Variants in CDK17 observed in about 807,000 individuals in gnomAD.
The protein encoded by CDK17 is cyclin dependent kinase 17, also known as cyclin-dependent kinase 17.
A neutral mutation model predicts 77.6 loss-of-function variants in CDK17; 24 were observed. The ratio of observed to expected loss-of-function variants is 0.31; its 90% confidence interval spans 0.22 to 0.44. The LOEUF is 0.44. Ranked by LOEUF, CDK17 falls within the 20% of genes least tolerant of loss-of-function variation. CDK17 has a pLI of 1.00. For missense variants in CDK17, 429 were observed against 622.5 expected (o/e 0.69, Z 3.31); for synonymous variants, 203 against 210.4 (o/e 0.96, Z 0.30).
At chr12:96,287,336 T>C (rs1195124475) in intron 11 of CDK17, among the ~76,000 whole-genome samples, 1 of 152,160 alleles carries the variant, frequency 6.6e-6, no homozygotes, top group African/African-American at 2.4e-5. Context: ...TGGTGGTTCT[T>C]AGAACAGTCA....
intron 9 of CDK17, 179 bp from the exon 10 acceptor site, chr12:96,295,301 T>C (rs1952388117): frequency 2.4e-6 from 1 of 423,338 alleles, no homozygotes; most frequent in Non-Finnish European, 4.2e-6. Context: ...CTGAATTTAA[T>C]AGTTTATTAT....
intron 13 of CDK17, among the ~76,000 whole-genome samples, chr12:96,283,985 G>A (rs373057760): frequency 2.0e-5 from 3 of 152,122 alleles, no homozygotes; most frequent in East Asian, 1.9e-4. Context: ...TTCACTAAAC[G>A]CAAGTATATA....
intron 1 of CDK17, among the ~76,000 whole-genome samples, chr12:96,345,766 A>G (rs1000122384): frequency 7.2e-5 from 11 of 152,206 alleles, no homozygotes; most frequent in African/African-American, 2.4e-4. Flanking sequence ...AACCACTAAA[A>G]AACTAACTAT....
intron 1 of CDK17, among the ~76,000 whole-genome samples, chr12:96,343,798 C>T (rs959769692): frequency 1.3e-5 from 2 of 152,170 alleles, no homozygotes; most frequent in Non-Finnish European, 2.9e-5. Context: ...GTGGCTAGGT[C>T]TCAACAAATA....
intron 1 of CDK17, among the ~76,000 whole-genome samples, chr12:96,366,576 C>T (rs1316646984): frequency 5.9e-5 from 9 of 152,136 alleles, no homozygotes; most frequent in Non-Finnish European, 5.9e-5. Context: ...AAAATCAGTT[C>T]GTAGTACCTC....
chr12:96,294,943 T>C (rs2137078025), intron 10 of CDK17, 56 bp downstream of exon 10: 2 of 1,457,374 alleles, frequency 1.4e-6, no homozygotes, highest in South Asian at 2.7e-5. Flanking sequence ...GTTGATCTTT[T>C]AACCATTACA....
chr12:96,301,252 A>C (rs1952497720), intron 5 of CDK17, among the ~76,000 whole-genome samples: 1 of 148,114 alleles, frequency 6.8e-6, no homozygotes, highest in Admixed American at 6.7e-5. Context: ...AAAAAAAAAA[A>C]AAAAAAACAA....
intron 1 of CDK17, among the ~76,000 whole-genome samples, chr12:96,377,965 T>A (rs1953813767): frequency 8.5e-5 from 13 of 152,204 alleles, no homozygotes. Flanking sequence ...AGTGCTGGGA[T>A]TACAGGCGTG....
At chr12:96,329,337 A>G (rs1952935199) in intron 2 of CDK17, among the ~76,000 whole-genome samples, 1 of 152,214 alleles carries the variant, frequency 6.6e-6, no homozygotes, top group Admixed American at 6.5e-5. Context: ...ATAGAAATCT[A>G]TATGAAAAAT....
At chr12:96,376,898 A>C (rs1953789356) in intron 1 of CDK17, among the ~76,000 whole-genome samples, 1 of 152,236 alleles carries the variant, frequency 6.6e-6, no homozygotes, top group African/African-American at 2.4e-5. Context: ...CACAATACTG[A>C]TAATCAGTAG....
In CDK17 at chr12:96,400,080, C is replaced by T. The variant is rs984769945; in HGVS notation, c.-124G>A. ...CGCCCGCGGCGACCGGATGCAAGTC[C>T]GGGTCTCAGCGGCCGGCAGACGTGA... On this transcript the variant is annotated 5_prime_UTR_variant, in exon 1 of 17. Transcript: ENST00000261211. 1.3e-5 allele frequency: 5 copies of T among 390,486 alleles called. No homozygotes were observed. Among genetic ancestry groups the T allele is most frequent in the African/African-American group, 4.1e-5 (2 of 48,206 alleles). The allele number at this position is 390,486 out of a possible 1,614,324, so 24.2% of individuals were successfully genotyped here. A position where few individuals can be genotyped will look rare whatever the true frequency, so the allele number is the denominator to read the frequency against.
At chr12:96,283,230 C>T (rs544697291) in intron 14 of CDK17, among the ~76,000 whole-genome samples, 2 of 152,244 alleles carry the variant, frequency 1.3e-5, no homozygotes, top group South Asian at 2.1e-4. Context: ...CTACCCTTAT[C>T]GTCCCCCCTT....
chr12:96,391,050 G>C (rs969111874), intron 1 of CDK17, among the ~76,000 whole-genome samples: 1 of 149,782 alleles, frequency 6.7e-6, no homozygotes. Flanking sequence ...TTGCACCACT[G>C]CACTCCAACC....
At chr12:96,318,902 G>C (rs1402163422) in intron 3 of CDK17, among the ~76,000 whole-genome samples, 1 of 106,584 alleles carries the variant, frequency 9.4e-6, no homozygotes, top group Non-Finnish European at 1.9e-5. Context: ...AGAAAAGCAA[G>C]AGCAAACACA....
In CDK17 at chr12:96,280,079, AT is replaced by A; in HGVS notation, c.*162del. 1.5e-6 allele frequency: 1 copy of A among 665,524 alleles called. No homozygotes were observed. Among genetic ancestry groups the A allele is most frequent in the East Asian group, 3.1e-5 (1 of 32,144 alleles). 41.2% of individuals were successfully genotyped at this position (665,524 alleles called of 1,614,324 possible). ...AAATTGTCACACTGTGACAACAAAT[AT>A]AAAAACAATCTGTAGGTCTGAAATA... On this transcript the variant is annotated 3_prime_UTR_variant, in exon 17 of 17. Coordinates refer to ENST00000261211, the MANE Select transcript of CDK17 (RefSeq NM_002595.5).
intron 1 of CDK17, among the ~76,000 whole-genome samples, chr12:96,349,279 C>A (rs997071662): frequency 3.9e-5 from 6 of 152,012 alleles, no homozygotes; most frequent in Non-Finnish European, 8.8e-5. Context: ...CATGGTGAAA[C>A]CCCGTCTCTA....
chr12:96,371,756 T>A (rs952228221), intron 1 of CDK17, among the ~76,000 whole-genome samples: 9 of 152,134 alleles, frequency 5.9e-5, no homozygotes, highest in African/African-American at 2.2e-4. Flanking sequence ...AGAAAAAGAA[T>A]GAAATTTCAT....
At chr12:96,339,146 A>T (rs750453672) in intron 1 of CDK17, among the ~76,000 whole-genome samples, 1 of 152,224 alleles carries the variant, frequency 6.6e-6, no homozygotes, top group Non-Finnish European at 1.5e-5. Context: ...CAAAAATAAC[A>T]AAGTATTATA....
intron 2 of CDK17, among the ~76,000 whole-genome samples, chr12:96,331,360 T>C (rs1221638379): frequency 6.6e-6 from 1 of 152,216 alleles, no homozygotes; most frequent in Non-Finnish European, 1.5e-5. Context: ...ATTTTGTACA[T>C]TTCAGTTTGG....
Sources: gnomAD v4.1 joint callset for allele counts (sites outside exome capture counted in the v4.1 genomes callset) on GRCh38, gnomAD v4.1.1 for gene constraint, MANE v1.5 for transcripts, NCBI Gene and HGNC (gene_info 2026-07-23, HGNC 2026-07-21) for gene names.